Variants in ST8SIA2 observed in about 807,000 individuals in gnomAD.
ST8SIA2 encodes the protein ST8 alpha-N-acetyl-neuraminide alpha-2,8-sialyltransferase 2, also known as alpha-2,8-sialyltransferase 8B.
ST8SIA2 carries 22 observed loss-of-function variants against 37.6 expected under a neutral mutation model. The observed-to-expected ratio is 0.58, with a 90% CI of 0.42 to 0.83. ST8SIA2 has a LOEUF of 0.83. Ranked by LOEUF, ST8SIA2 falls within the 40% of genes least tolerant of loss-of-function variation. ST8SIA2 has a pLI of 0.00. For synonymous variants in ST8SIA2, 205 were observed against 201.2 expected, an observed-to-expected ratio of 1.02 and a Z score of -0.16; for missense variants, 382 against 484.7, an observed-to-expected ratio of 0.79 and a Z score of 1.99.
chr15:92,450,872 T>G (rs1422476278), intron 5 of ST8SIA2, among the ~76,000 whole-genome samples: 1 of 151,974 alleles, frequency 6.6e-6, no homozygotes, highest in African/African-American at 2.4e-5. Context: ...AAATAACAAG[T>G]GTTGGTGAGG....
chr15:92,464,239 A>G lies in ST8SIA2; in HGVS notation c.982A>G (p.Lys328Glu). The change falls in exon 6 of 6, where the codon AAG becomes GAG. Residue 328 changes from lysine to glutamate, a missense_variant. Physicochemically the swap from Lys to Glu is moderately conservative, Grantham distance 56. Transcript: ENST00000268164. ...GCTGGATCAGAACCAGAACCCAGTC[A>G]AGTACCACTATTATGACAGCCTCAA... ...FPLDQNQNPV[K>E]YHYYDSLKYG... The G allele has an allele frequency of 6.2e-7, 1 of 1,614,050 alleles. No homozygotes were observed. Among genetic ancestry groups the G allele is most frequent in the Non-Finnish European group, 8.5e-7 (1 of 1,180,012 alleles).
chr15:92,463,478 A>G (rs1474234009), intron 5 of ST8SIA2, among the ~76,000 whole-genome samples: 2 of 152,282 alleles, frequency 1.3e-5, no homozygotes, highest in Admixed American at 6.5e-5. Context: ...GACGCTCAGG[A>G]GGCAAGGATG....
chr15:92,406,031 C>T (rs2049505827), intron 1 of ST8SIA2, among the ~76,000 whole-genome samples: 1 of 152,180 alleles, frequency 6.6e-6, no homozygotes, highest in Non-Finnish European at 1.5e-5. Context: ...CTGTTTCTGG[C>T]TCAAGGGTGA....
At chr15:92,401,758 G>A (rs1327952398) in intron 1 of ST8SIA2, among the ~76,000 whole-genome samples, 2 of 151,924 alleles carry the variant, frequency 1.3e-5, no homozygotes, top group African/African-American at 2.4e-5. Flanking sequence ...GAGGGACTCA[G>A]CTTTGCTTCC....
At chr15:92,460,042 C>T (rs904010358) in intron 5 of ST8SIA2, among the ~76,000 whole-genome samples, 16 of 152,196 alleles carry the variant, frequency 1.1e-4, no homozygotes, top group African/African-American at 3.1e-4. Flanking sequence ...GCTGGGTGTT[C>T]GTTTTTCTTA....
Position 92,429,943 on chromosome 15 carries a change from C to G in ST8SIA2, c.99-106C>G, listed in dbSNP as rs991340121. On this transcript the variant is annotated intron_variant, in intron 1 of 5. Coordinates refer to ENST00000268164, the MANE Select transcript of ST8SIA2 (RefSeq NM_006011.4). Reference sequence around the variant, plus strand: ...GCAGAGTCCAGAATGAGGTCTCTTCCACCCTCTGTAGTTTTCCAGGTGGGC... The same window carrying G: ...GCAGAGTCCAGAATGAGGTCTCTTCGACCCTCTGTAGTTTTCCAGGTGGGC... The G allele has an allele frequency of 1.5e-5, 18 of 1,232,164 alleles. No homozygotes were observed. In the Admixed American group the frequency reaches 2.0e-4, roughly 14 times the overall value. 76.3% of individuals were successfully genotyped at this position (1,232,164 alleles called of 1,614,324 possible). A position where few individuals can be genotyped will look rare whatever the true frequency, so the allele number is the denominator to read the frequency against.
At chr15:92,413,054 G>A (rs1418699959) in intron 1 of ST8SIA2, among the ~76,000 whole-genome samples, 1 of 151,848 alleles carries the variant, frequency 6.6e-6, no homozygotes, top group Non-Finnish European at 1.5e-5. Flanking sequence ...GTGGGGAGGG[G>A]GGTGAGTGTG....
chr15:92,449,994 A>T (rs2049870644), intron 5 of ST8SIA2, among the ~76,000 whole-genome samples: 1 of 152,186 alleles, frequency 6.6e-6, no homozygotes, highest in South Asian at 2.1e-4. Flanking sequence ...CTTAGAAGAA[A>T]TTCACTCTTA....
At position 92,465,806 on chromosome 15, in the gene ST8SIA2, G is replaced by A. The variant is rs373985127; in HGVS notation, c.*1421G>A. 1.2e-3 allele frequency: 176 copies of A among 152,170 alleles called. No homozygotes were observed. Among genetic ancestry groups the A allele is most frequent in the African/African-American group, 4.1e-3 (172 of 41,516 alleles). 9.4% of individuals were successfully genotyped at this position (152,170 alleles called of 1,614,324 possible). ...AAGCCAAATGCAGTTCCAAATAGTG[G>A]ACATAATCTCCCAGGGAAATCTGGG... On this transcript the variant is annotated 3_prime_UTR_variant, in exon 6 of 6. Coordinates refer to ENST00000268164, the MANE Select transcript of ST8SIA2 (RefSeq NM_006011.4).
chr15:92,454,105 C>A (rs1338195119), intron 5 of ST8SIA2, among the ~76,000 whole-genome samples: 1 of 152,084 alleles, frequency 6.6e-6, no homozygotes, highest in African/African-American at 2.4e-5. Context: ...TCAGGGCTAC[C>A]GTAACAGCGT....
chr15:92,456,694 G>T lies in ST8SIA2; in HGVS notation c.843-7406G>T, dbSNP rs150495384. 6.0e-3 allele frequency among the ~76,000 whole-genome samples: 916 copies of T among 152,288 alleles called. 11 individuals are homozygous for T. Among genetic ancestry groups the T allele is most frequent in the Non-Finnish European group, 7.3e-3 (496 of 68,030 alleles). ...CATGGAAGAAACTAAGATGTTCCTCGTGGCAGTGTGGCTGTGCACACTGGG... is the reference window on the plus strand; with the variant it reads ...CATGGAAGAAACTAAGATGTTCCTCTTGGCAGTGTGGCTGTGCACACTGGG... On this transcript the variant is annotated intron_variant, in intron 5 of 5. Transcript: ENST00000268164.
chr15:92,398,370 A>G (rs1485676606), intron 1 of ST8SIA2, among the ~76,000 whole-genome samples: 1 of 152,200 alleles, frequency 6.6e-6, no homozygotes, highest in Non-Finnish European at 1.5e-5. Flanking sequence ...TAGTTCCTCT[A>G]CCCATAAAGG....
intron 5 of ST8SIA2, among the ~76,000 whole-genome samples, chr15:92,455,620 A>G (rs1385388617): frequency 6.6e-6 from 1 of 152,186 alleles, no homozygotes; most frequent in Non-Finnish European, 1.5e-5. Context: ...TCTCCTTCAC[A>G]GCTGACTGGC....
intron 1 of ST8SIA2, among the ~76,000 whole-genome samples, chr15:92,403,201 C>A (rs547583944): frequency 6.6e-6 from 1 of 152,258 alleles, no homozygotes; most frequent in Admixed American, 6.5e-5. Context: ...AGAGAGGTCT[C>A]GGGACTTGCT....
chr15:92,423,061 T>G (rs1422001476), intron 1 of ST8SIA2, among the ~76,000 whole-genome samples: 1 of 152,166 alleles, frequency 6.6e-6, no homozygotes, highest in Non-Finnish European at 1.5e-5. Context: ...ACAAATAGTG[T>G]GTGGTTCTAC....
intron 1 of ST8SIA2, among the ~76,000 whole-genome samples, chr15:92,420,257 C>G (rs2049623333): frequency 6.6e-6 from 1 of 152,126 alleles, no homozygotes; most frequent in African/African-American, 2.4e-5. Context: ...GTTTATGAAT[C>G]CTTTCTGGTT....
chr15:92,409,751 A>G (rs899386768), intron 1 of ST8SIA2, among the ~76,000 whole-genome samples: 1 of 152,228 alleles, frequency 6.6e-6, no homozygotes, highest in African/African-American at 2.4e-5. Context: ...AGGCACTCAC[A>G]GTGCCCCTGG....
At chr15:92,459,400 G>A (rs2049942231) in intron 5 of ST8SIA2, among the ~76,000 whole-genome samples, 1 of 152,150 alleles carries the variant, frequency 6.6e-6, no homozygotes, top group African/African-American at 2.4e-5. Context: ...CAAGAACCAG[G>A]AGCCTCAGAT....
At chr15:92,433,332 A>G (rs1243229621) in intron 2 of ST8SIA2, among the ~76,000 whole-genome samples, 1 of 152,240 alleles carries the variant, frequency 6.6e-6, no homozygotes, top group Non-Finnish European at 1.5e-5. Flanking sequence ...AGACAAAAAG[A>G]ACTTTGGATG....
Sources: gnomAD v4.1 joint callset for allele counts (sites outside exome capture counted in the v4.1 genomes callset) on GRCh38, gnomAD v4.1.1 for gene constraint, MANE v1.5 for transcripts, NCBI Gene and HGNC (gene_info 2026-07-23, HGNC 2026-07-21) for gene names.